The following PPP1R9A variants were observed in gnomAD, a reference collection of about 807,000 sequenced individuals.
The protein encoded by PPP1R9A is protein phosphatase 1 regulatory subunit 9A.
Under a neutral mutation model 141.9 loss-of-function variants are expected in PPP1R9A, and 59 were observed. That is an observed-to-expected ratio of 0.42 (90% confidence interval 0.34 to 0.52). PPP1R9A has a LOEUF of 0.52. Ranked by LOEUF, PPP1R9A falls within the 20% of genes least tolerant of loss-of-function variation. The probability of loss-of-function intolerance (pLI) is 0.10; values close to 1 mark genes in which losing one functional copy is unlikely to be tolerated. For synonymous variants in PPP1R9A, 500 were observed against 569.7 expected (o/e 0.88, Z 1.74); for missense variants, 1,444 against 1,611.9 (o/e 0.90, Z 1.78).
chr7:95,257,135 G>C (rs1313928564), intron 12 of PPP1R9A, among the ~76,000 whole-genome samples: 1 of 151,380 alleles, frequency 6.6e-6, no homozygotes, highest in African/African-American at 2.4e-5. Context: ...GCCCAGAATA[G>C]GGCCAGGTTC....
chr7:95,101,060 G>C (rs1471892741), intron 2 of PPP1R9A, among the ~76,000 whole-genome samples: 1 of 151,650 alleles, frequency 6.6e-6, no homozygotes, highest in Non-Finnish European at 1.5e-5. Context: ...CACCGTGTTA[G>C]CCAGGATGGT....
At chr7:95,268,311 C>T (rs1585550618) in intron 12 of PPP1R9A, among the ~76,000 whole-genome samples, 1 of 152,004 alleles carries the variant, frequency 6.6e-6, no homozygotes, top group Non-Finnish European at 1.5e-5. Flanking sequence ...GTATGCTTTT[C>T]GGATGTTGGA....
chr7:95,146,894 C>T (rs1329844144), intron 4 of PPP1R9A, among the ~76,000 whole-genome samples: 1 of 152,156 alleles, frequency 6.6e-6, no homozygotes, highest in Non-Finnish European at 1.5e-5. Flanking sequence ...GTTTTGGTTA[C>T]TGCAGCCTTG....
At chr7:95,125,829 GT>G (rs112342434) in intron 4 of PPP1R9A, among the ~76,000 whole-genome samples, 2 of 151,666 alleles carry the variant, frequency 1.3e-5, no homozygotes, top group Non-Finnish European at 2.9e-5. Context: ...GATTTTAATT[GT>G]TTTTTTTCAC....
chr7:95,198,365 G>A lies in PPP1R9A; in HGVS notation c.1771G>A (p.Glu591Lys). The change falls in exon 6 of 20, where the codon GAA (glutamate) becomes AAA (lysine). Residue 591 changes from glutamate (E) to lysine (K), a missense_variant. Glu to Lys is a moderately conservative substitution (Grantham distance 56). Coordinates refer to ENST00000433360, the MANE Select transcript of PPP1R9A (RefSeq NM_001166160.2). ...TTTCCACAGATTTGTTATTGGGCGGGAAAAACCAGGACAAGTGAGCGAGGT... is the reference window on the plus strand; with the variant it reads ...TTTCCACAGATTTGTTATTGGGCGGAAAAAACCAGGACAAGTGAGCGAGGT... ...KGNVRFVIGR[E>K]KPGQVSEVAQ... 6.2e-7 allele frequency: 1 copy of A among 1,607,872 alleles called. No homozygotes were observed. The highest frequency in any genetic ancestry group is 8.5e-7 in the Non-Finnish European group (1 of 1,178,074).
chr7:95,006,340 C>T (rs1317587537), intron 2 of PPP1R9A, among the ~76,000 whole-genome samples: 3 of 151,948 alleles, frequency 2.0e-5, no homozygotes, highest in Non-Finnish European at 2.9e-5. Flanking sequence ...GCTTCAGCTC[C>T]CCGAGTAGCT....
At chr7:94,938,802 C>T (rs968256895) in intron 2 of PPP1R9A, among the ~76,000 whole-genome samples, 1 of 152,138 alleles carries the variant, frequency 6.6e-6, no homozygotes, top group Admixed American at 6.6e-5. Flanking sequence ...TGGTTCTCCT[C>T]TAAGTTCCTT....
chr7:95,264,898 T>A (rs896287881), intron 12 of PPP1R9A, among the ~76,000 whole-genome samples: 1 of 152,096 alleles, frequency 6.6e-6, no homozygotes, highest in Admixed American at 6.6e-5. Context: ...AGAACTGAGG[T>A]CTTGGGCTTA....
intron 13 of PPP1R9A, 38 bp from the exon 14 acceptor site, chr7:95,269,169 A>G (rs764877193): frequency 6.8e-7 from 1 of 1,477,324 alleles, no homozygotes; most frequent in Non-Finnish European, 9.2e-7. Context: ...ACTGATACTC[A>G]GTGGCATAAC....
chr7:95,110,176 AC>A (rs1188363761), intron 2 of PPP1R9A, among the ~76,000 whole-genome samples: 1 of 152,214 alleles, frequency 6.6e-6, no homozygotes, highest in East Asian at 1.9e-4. Flanking sequence ...TTTATAGGTT[AC>A]CATATATAGA....
At position 94,925,470 on chromosome 7, in the gene PPP1R9A, TC is replaced by T. The variant is rs1346898393; in HGVS notation, c.1395+13968del. The stretch of plus-strand genomic sequence containing the variant: ...CTGTTTCGGGGAGGAAACTCATTTT[TC>T]CCCCCACATGTCTTAGTGGGGGAGT... On this transcript the variant is annotated intron_variant, in intron 2 of 19. Transcript: ENST00000433360. 2.6e-5 allele frequency among the ~76,000 whole-genome samples: 4 copies of T among 152,130 alleles called. No homozygotes were observed. In the East Asian group the frequency reaches 5.8e-4, roughly 22 times the overall value.
Position 94,975,371 on chromosome 7 carries a change from T to G in PPP1R9A, c.1395+63863T>G, listed in dbSNP as rs868023330. Among the ~76,000 whole-genome samples the G allele has an allele frequency of 5.9e-3, 885 of 149,030 alleles. 6 individuals carry two copies. Among genetic ancestry groups the G allele is most frequent in the African/African-American group, 0.02 (829 of 40,860 alleles). ...GTTTTTTTTTGTTTTTTTTTTTTTTTTTTTTTTTTTTTAAGGATTAAGATC... is the reference window on the plus strand; with the variant it reads ...GTTTTTTTTTGTTTTTTTTTTTTTTGTTTTTTTTTTTTAAGGATTAAGATC... On this transcript the variant is annotated intron_variant, in intron 2 of 19. Transcript: ENST00000433360.
chr7:94,932,281 A>G (rs1006811641), intron 2 of PPP1R9A, among the ~76,000 whole-genome samples: 5 of 152,176 alleles, frequency 3.3e-5, no homozygotes, highest in African/African-American at 1.2e-4. Flanking sequence ...TGATTTTGTA[A>G]ATTGTGTCAA....
At chr7:94,938,408 G>C (rs1794992237) in intron 2 of PPP1R9A, among the ~76,000 whole-genome samples, 1 of 151,950 alleles carries the variant, frequency 6.6e-6, no homozygotes. Flanking sequence ...GACAATTACT[G>C]TTCAATTTTT....
intron 5 of PPP1R9A, among the ~76,000 whole-genome samples, chr7:95,164,404 T>C (rs1467050971): frequency 6.6e-6 from 1 of 152,210 alleles, no homozygotes; most frequent in African/African-American, 2.4e-5. Context: ...TTACCTCTTT[T>C]GGATTTTTTT....
chr7:95,025,076 CT>C (rs879530822), intron 2 of PPP1R9A, among the ~76,000 whole-genome samples: 200 of 144,794 alleles, frequency 1.4e-3, no homozygotes, highest in African/African-American at 3.5e-3. Flanking sequence ...GTTGAAAATC[CT>C]TTTTTTTTTT....
At chr7:95,279,786 A>C (rs756508142) in intron 16 of PPP1R9A, among the ~76,000 whole-genome samples, 9 of 152,210 alleles carry the variant, frequency 5.9e-5, no homozygotes, top group Non-Finnish European at 8.8e-5. Flanking sequence ...CAGTGGACAC[A>C]TTTCTCTTTC....
chr7:95,129,981 T>C (rs1435091936), intron 4 of PPP1R9A, among the ~76,000 whole-genome samples: 5 of 152,164 alleles, frequency 3.3e-5, no homozygotes, highest in Non-Finnish European at 5.9e-5. Flanking sequence ...ACTTGCAGCC[T>C]GACAATGAGA....
intron 4 of PPP1R9A, among the ~76,000 whole-genome samples, chr7:95,150,777 G>A (rs1320046559): frequency 6.7e-6 from 1 of 148,192 alleles, no homozygotes; most frequent in Non-Finnish European, 1.5e-5. Context: ...ATAAAGGACT[G>A]TTATTTAAAG....
Sources: gnomAD v4.1 joint callset for allele counts (sites outside exome capture counted in the v4.1 genomes callset) on GRCh38, gnomAD v4.1.1 for gene constraint, MANE v1.5 for transcripts, NCBI Gene and HGNC (gene_info 2026-07-23, HGNC 2026-07-21) for gene names.